RBFOX2: variants seen among roughly 807,000 people sequenced by gnomAD.
The protein encoded by RBFOX2 is RNA binding fox-1 homolog 2.
RBFOX2 carries 10 observed loss-of-function variants against 49.1 expected under a neutral mutation model. The ratio of observed to expected loss-of-function variants is 0.20; its 90% CI spans 0.13 to 0.35. RBFOX2 has a LOEUF of 0.35. RBFOX2 is among the 10% of genes least tolerant of loss of function. The probability of loss-of-function intolerance (pLI) is 1.00; values close to 1 mark genes in which losing one functional copy is unlikely to be tolerated. For missense variants in RBFOX2, 323 were observed against 486.9 expected (o/e 0.66, Z 3.17); for synonymous variants, 183 against 187.4 (o/e 0.98, Z 0.19).
chr22:35,829,770 C>T (rs938576314), intron 1 of RBFOX2, among the ~76,000 whole-genome samples: 1 of 152,148 alleles, frequency 6.6e-6, no homozygotes, highest in Non-Finnish European at 1.5e-5. Context: ...GGTATACTTG[C>T]CATGGGTTGC....
At chr22:35,852,759 C>T (rs2042086579) in intron 1 of RBFOX2, among the ~76,000 whole-genome samples, 1 of 152,128 alleles carries the variant, frequency 6.6e-6, no homozygotes, top group South Asian at 2.1e-4. Context: ...CTATGACTGA[C>T]TAACTTAAAC....
chr22:35,927,375 C>G (rs757275350), intron 1 of RBFOX2, among the ~76,000 whole-genome samples: 1 of 152,086 alleles, frequency 6.6e-6, no homozygotes, highest in South Asian at 2.1e-4. Flanking sequence ...GAGGCCAAGT[C>G]AGGTGGATCA....
chr22:36,028,391 T>C (rs1347172667), exon 1 of RBFOX2: 13 of 1,271,386 alleles, frequency 1.0e-5, no homozygotes, highest in Admixed American at 8.3e-5. Flanking sequence ...GGGCCCGAGC[T>C]GAGGCGGCTG....
At chr22:36,001,665 T>C (rs1220586899) in intron 1 of RBFOX2, among the ~76,000 whole-genome samples, 3 of 152,198 alleles carry the variant, frequency 2.0e-5, no homozygotes, top group African/African-American at 7.2e-5. Flanking sequence ...AGGAGGTCCA[T>C]GCAGGAGGAT....
At chr22:35,794,648 ACT>A (rs1948430280) in intron 2 of RBFOX2, among the ~76,000 whole-genome samples, 1 of 149,854 alleles carries the variant, frequency 6.7e-6, no homozygotes, top group Non-Finnish European at 1.5e-5. Context: ...ACAGAGTAAG[ACT>A]CTGTCTCAAA....
intron 1 of RBFOX2, among the ~76,000 whole-genome samples, chr22:35,930,108 G>A (rs1331026726): frequency 7.2e-6 from 1 of 138,368 alleles, no homozygotes; most frequent in African/African-American, 2.7e-5. Flanking sequence ...TGCAACCTCC[G>A]CCTCCTGGGT....
chr22:35,908,403 C>T (rs1378607406), intron 1 of RBFOX2, among the ~76,000 whole-genome samples: 1 of 152,156 alleles, frequency 6.6e-6, no homozygotes, highest in Non-Finnish European at 1.5e-5. Flanking sequence ...CTTAAACATG[C>T]TCAGAACACT....
intron 1 of RBFOX2, among the ~76,000 whole-genome samples, chr22:35,848,152 G>A (rs1281455405): frequency 6.6e-6 from 1 of 152,086 alleles, no homozygotes; most frequent in Non-Finnish European, 1.5e-5. Context: ...TTGTGGGTCA[G>A]AAATTTACTG....
At chr22:36,009,850 A>C (rs563090748) in intron 1 of RBFOX2, among the ~76,000 whole-genome samples, 1 of 152,164 alleles carries the variant, frequency 6.6e-6, no homozygotes, top group Non-Finnish European at 1.5e-5. Context: ...ATCTATGTAC[A>C]TATCCTCTGC....
intron 1 of RBFOX2, among the ~76,000 whole-genome samples, chr22:35,958,822 C>A (rs750429398): frequency 3.3e-5 from 5 of 152,132 alleles, no homozygotes; most frequent in Admixed American, 6.6e-5. Flanking sequence ...CATAAAAGAG[C>A]TGCCTGTCAT....
In RBFOX2 at chr22:35,969,934, T is replaced by C. The variant is rs79048010; in HGVS notation, c.187-31037A>G. Among the ~76,000 whole-genome samples, 485 of 152,246 alleles carry C rather than the reference T, an allele frequency of 3.2e-3. 1 individual carries two copies. Among genetic ancestry groups the C allele is most frequent in the African/African-American group, 0.011 (455 of 41,558 alleles). On this transcript the variant is annotated intron_variant, in intron 1 of 13. Transcript: ENST00000438146. The stretch of plus-strand genomic sequence containing the variant: ...CATGTGCAGTTTTCTCACCCGCAAA[T>C]GGACTTGAGGCCATTTATCCTAGAG...
At chr22:35,809,315 G>C (rs934112938) in intron 2 of RBFOX2, among the ~76,000 whole-genome samples, 1 of 152,116 alleles carries the variant, frequency 6.6e-6, no homozygotes, top group Non-Finnish European at 1.5e-5. Context: ...TTTGGTGGAA[G>C]AGTAATAAGA....
intron 2 of RBFOX2, among the ~76,000 whole-genome samples, chr22:35,783,396 T>A (rs1167306598): frequency 6.6e-6 from 1 of 152,066 alleles, no homozygotes; most frequent in African/African-American, 2.4e-5. Context: ...AAGTTTTAAG[T>A]GAAAATATAT....
intron 1 of RBFOX2, among the ~76,000 whole-genome samples, chr22:35,831,704 T>A (rs1370128329): frequency 2.0e-5 from 3 of 152,200 alleles, no homozygotes; most frequent in Non-Finnish European, 4.4e-5. Context: ...TGCTCTCAGT[T>A]AAGAGTCTTT....
intron 1 of RBFOX2, among the ~76,000 whole-genome samples, chr22:35,893,690 G>A (rs2149389295): frequency 6.6e-6 from 1 of 152,336 alleles, no homozygotes; most frequent in Non-Finnish European, 1.5e-5. Flanking sequence ...CATGAAGGGA[G>A]AAGCACGAAA....
intron 4 of RBFOX2, among the ~76,000 whole-genome samples, chr22:35,772,986 A>T (rs933844952): frequency 4.0e-5 from 6 of 151,688 alleles, no homozygotes; most frequent in Non-Finnish European, 8.8e-5. Flanking sequence ...GTATGGCCAG[A>T]ACACAGAAAT....
upstream of RBFOX2, among the ~76,000 whole-genome samples, chr22:35,941,895 T>C (rs1476288791): frequency 1.3e-5 from 2 of 152,232 alleles, no homozygotes; most frequent in Admixed American, 6.5e-5. Flanking sequence ...ATAAGGCTAT[T>C]TGGAACTCTC....
At chr22:35,901,523 G>GTC (rs1435253721) in intron 1 of RBFOX2, among the ~76,000 whole-genome samples, 24 of 152,022 alleles carry the variant, frequency 1.6e-4, no homozygotes, top group African/African-American at 5.6e-4. Flanking sequence ...ACAGAGATAG[G>GTC]GTTTGGGAGT....
chr22:36,023,745 T>C (rs937090525), intron 1 of RBFOX2, among the ~76,000 whole-genome samples: 2 of 152,192 alleles, frequency 1.3e-5, no homozygotes, highest in Non-Finnish European at 2.9e-5. Flanking sequence ...ACTTCCCTCC[T>C]ACTCTCTGGT....
Sources: allele counts gnomAD v4.1 joint callset (sites outside exome capture counted in the v4.1 genomes callset), GRCh38; gene constraint gnomAD v4.1.1; transcripts MANE v1.5; gene names NCBI Gene and HGNC (gene_info 2026-07-23, HGNC 2026-07-21).